NUAK1: variants seen among roughly 807,000 people sequenced by gnomAD.
The protein encoded by NUAK1 is NUAK family SNF1-like kinase 1.
Under a neutral mutation model 56.9 loss-of-function variants are expected in NUAK1, and 26 were observed. The ratio of observed to expected loss-of-function variants is 0.46; its 90% CI spans 0.33 to 0.63. The LOEUF is 0.63. Among genes scored for constraint, NUAK1 ranks in the 30% least tolerant of loss-of-function variants. The probability of loss-of-function intolerance (pLI) is 0.02; values close to 1 mark genes in which losing one functional copy is unlikely to be tolerated. For synonymous variants in NUAK1, 337 were observed against 336.0 expected (o/e 1.00, Z -0.03); for missense variants, 727 against 876.1 (o/e 0.83, Z 2.15).
intron 1 of NUAK1, among the ~76,000 whole-genome samples, chr12:106,122,139 G>A (rs562831165): frequency 6.6e-6 from 1 of 152,148 alleles, no homozygotes; most frequent in African/African-American, 2.4e-5. Flanking sequence ...AAGCTCCTTG[G>A]GGGCAGGGGT....
intron 2 of NUAK1, chr12:106,104,315 C>T (rs1440214752): frequency 6.6e-6 from 1 of 152,312 alleles, no homozygotes; most frequent in Non-Finnish European, 1.5e-5. Flanking sequence ...ATCCTCTTGC[C>T]ATGGCCTCTC....
At chr12:106,100,898 A>G (rs2032740778) in intron 2 of NUAK1, among the ~76,000 whole-genome samples, 1 of 152,242 alleles carries the variant, frequency 6.6e-6, no homozygotes, top group African/African-American at 2.4e-5. Context: ...TAAAGAAGAC[A>G]CTGGCAAGTT....
Position 106,083,919 on chromosome 12 carries a change from A to G in NUAK1, c.524T>C (p.Val175Ala). 1 of 1,613,938 alleles carries G rather than the reference A, an allele frequency of 6.2e-7. No individual in the cohort carries two copies. Among genetic ancestry groups the G allele is most frequent in the Non-Finnish European group, 8.5e-7 (1 of 1,179,854 alleles). ...AVHYCHKNGVVHRDLKLENIL... is the reference protein window; with the variant it reads ...AVHYCHKNGVAHRDLKLENIL... ...ATTTTCCAGCTTCAAGTCCCGGTGG[A>G]CCACACCGTTCTGAAATGAGAAGAC... The change falls in exon 4 of 7, where the codon GTC (valine) becomes GCC (alanine). Residue 175 changes from valine to alanine, a missense_variant. Physicochemically the swap from Val to Ala is moderately conservative, Grantham distance 64. Transcript: ENST00000261402.
intron 1 of NUAK1, among the ~76,000 whole-genome samples, chr12:106,135,157 A>C (rs1009674517): frequency 2.1e-4 from 32 of 152,360 alleles, no homozygotes; most frequent in Admixed American, 5.2e-4. Flanking sequence ...GAGGTTTCAA[A>C]AAGTCACATA....
At chr12:106,094,741 T>C (rs1477581277) in intron 2 of NUAK1, among the ~76,000 whole-genome samples, 1 of 152,188 alleles carries the variant, frequency 6.6e-6, no homozygotes, top group Non-Finnish European at 1.5e-5. Context: ...AGAAGTGGAC[T>C]CCACGGAAGG....
chr12:106,067,007 G>C lies in NUAK1; in HGVS notation c.1781C>G (p.Ala594Gly). ...DLLDLQENRP[A>G]RQRIRSCVSA... ...GACGCAGCTGCGGATGCGCTGGCGGGCAGGGCGATTCTCCTGCAAATCCAG... is the reference window on the plus strand; with the variant it reads ...GACGCAGCTGCGGATGCGCTGGCGGCCAGGGCGATTCTCCTGCAAATCCAG... The change falls in exon 7 of 7, where the codon GCC becomes GGC. Residue 594 changes from alanine (A) to glycine (G), a missense_variant. Coordinates refer to ENST00000261402, the MANE Select transcript of NUAK1 (RefSeq NM_014840.3). The surrounding 1 kb of genome is among the most constrained non-coding windows in gnomAD (Gnocchi z 6.0). The C allele has an allele frequency of 6.2e-7, 1 of 1,614,228 alleles. No individual in the cohort carries two copies. Among genetic ancestry groups the C allele is most frequent in the Non-Finnish European group, 8.5e-7 (1 of 1,180,044 alleles).
In NUAK1 at chr12:106,138,199, A is replaced by C. The variant is rs1237233148; in HGVS notation, c.240+215T>G. On this transcript the variant is annotated intron_variant, in intron 1 of 6. Transcript: ENST00000261402. The surrounding 1 kb of genome is among the most constrained non-coding windows in gnomAD (Gnocchi z 5.0). Reference sequence around the variant, plus strand: ...AACAAACCAAAAAATAAAATAAAATATGTGCAGACAGGATGTAACAAGTGT... The same window carrying C: ...AACAAACCAAAAAATAAAATAAAATCTGTGCAGACAGGATGTAACAAGTGT... 6.6e-6 allele frequency among the ~76,000 whole-genome samples: 1 copy of C among 152,236 alleles called. No homozygotes were observed. The highest frequency in any genetic ancestry group is 2.4e-5 in the African/African-American group (1 of 41,468).
chr12:106,136,794 T>C (rs1290894211), intron 1 of NUAK1, among the ~76,000 whole-genome samples: 3 of 152,192 alleles, frequency 2.0e-5, no homozygotes, highest in African/African-American at 7.2e-5. Context: ...AGCTTAGTTT[T>C]TGCTTATTCA....
chr12:106,100,380 C>G (rs2032735086), intron 2 of NUAK1, among the ~76,000 whole-genome samples: 1 of 152,084 alleles, frequency 6.6e-6, no homozygotes, highest in Non-Finnish European at 1.5e-5. Flanking sequence ...GCCTTCTCTC[C>G]TCTGAGCATT....
chr12:106,082,198 A>G (rs2032525080), intron 4 of NUAK1, among the ~76,000 whole-genome samples: 1 of 152,244 alleles, frequency 6.6e-6, no homozygotes, highest in Admixed American at 6.5e-5. Context: ...TGAAACAAAA[A>G]TGAACAAATA....
intron 1 of NUAK1, among the ~76,000 whole-genome samples, chr12:106,136,445 A>C (rs1348539867): frequency 6.6e-6 from 1 of 152,208 alleles, no homozygotes; most frequent in East Asian, 1.9e-4. Flanking sequence ...CAAAAGAGAA[A>C]GGCGGACTCC....
Position 106,067,169 on chromosome 12 carries a change from A to C in NUAK1, c.1619T>G (p.Leu540Arg). The part of the protein sequence containing the change: ...KYSAGTMDPA[L>R]VSPEMPTLES... ...CAGTGTGGGCATTTCAGGGCTGACC[A>C]GGGCTGGGTCCATGGTGCCCGCTGA... is the stretch of plus-strand genomic sequence containing the variant. Residue 540 changes from leucine (L) to arginine (R), a missense_variant, in exon 7 of 7, where the codon CTG becomes CGG. Leu to Arg is a moderately radical substitution (Grantham distance 102). Transcript: ENST00000261402. The surrounding 1 kb of genome is among the most constrained non-coding windows in gnomAD (Gnocchi z 6.0). The C allele has an allele frequency of 6.2e-7, 1 of 1,614,114 alleles. No individual in the cohort carries two copies. Among genetic ancestry groups the C allele is most frequent in the Non-Finnish European group, 8.5e-7 (1 of 1,180,006 alleles).
intron 1 of NUAK1, among the ~76,000 whole-genome samples, chr12:106,107,454 CCAAT>C (rs1483804938): frequency 2.0e-5 from 3 of 152,196 alleles, no homozygotes; most frequent in African/African-American, 7.2e-5. Flanking sequence ...AAGAAGCCCA[CCAAT>C]CAATTTGCTG....
chr12:106,117,135 T>C (rs2032925759), intron 1 of NUAK1, among the ~76,000 whole-genome samples: 1 of 152,190 alleles, frequency 6.6e-6, no homozygotes, highest in Non-Finnish European at 1.5e-5. Flanking sequence ...GTGAGGACTA[T>C]TCCTACCCCC....
intron 2 of NUAK1, among the ~76,000 whole-genome samples, chr12:106,099,382 T>C (rs1179085955): frequency 6.6e-6 from 1 of 152,180 alleles, no homozygotes; most frequent in Non-Finnish European, 1.5e-5. Context: ...ACCTTCTTCC[T>C]TGGATGCTGG....
Position 106,124,996 on chromosome 12 carries a change from CAATAAATAAATAAATA to C in NUAK1, c.240+13402_240+13417del, listed in dbSNP as rs55900706. Among the ~76,000 whole-genome samples, 38 of 147,092 alleles carry C rather than the reference CAATAAATAAATAAATA, an allele frequency of 2.6e-4. No individual in the cohort carries two copies. In the East Asian group the frequency reaches 5.2e-3, roughly 20 times the overall value. ...TGGGCGACAGAGCCAGACTCCATCT[CAATAAATAAATAAATA>C]AATAAATAAATAAATAAATAAATAT... is the stretch of plus-strand genomic sequence containing the variant. On this transcript the variant is annotated intron_variant, in intron 1 of 6. Transcript: ENST00000261402.
chr12:106,112,892 T>G (rs1009257070), intron 1 of NUAK1, among the ~76,000 whole-genome samples: 4 of 152,252 alleles, frequency 2.6e-5, no homozygotes, highest in African/African-American at 9.6e-5. Context: ...TCTGAAAATT[T>G]AATCCTCTGT....
intron 3 of NUAK1, among the ~76,000 whole-genome samples, chr12:106,086,395 G>A (rs2032570877): frequency 1.3e-5 from 2 of 152,152 alleles, no homozygotes; most frequent in African/African-American, 2.4e-5. Flanking sequence ...AATGTAAGAT[G>A]TTAATATTAG....
chr12:106,093,215 T>C (rs1470327207), intron 2 of NUAK1, among the ~76,000 whole-genome samples: 1 of 152,248 alleles, frequency 6.6e-6, no homozygotes, highest in Non-Finnish European at 1.5e-5. Context: ...TGGGTTTTGC[T>C]TTTGAGATAG....
Sources: gnomAD v4.1 joint callset for allele counts (sites outside exome capture counted in the v4.1 genomes callset) on GRCh38, gnomAD v4.1.1 for gene constraint, Gnocchi (gnomAD v3.1) non-coding constraint, MANE v1.5 for transcripts, NCBI Gene and HGNC (gene_info 2026-07-23, HGNC 2026-07-21) for gene names.